Variants in SLC22A5 observed in about 807,000 individuals in gnomAD.
The protein encoded by SLC22A5 is solute carrier family 22 member 5, also known as organic cation/carnitine transporter 2.
Under a neutral mutation model 56.7 loss-of-function variants are expected in SLC22A5, and 44 were observed. The ratio of observed to expected loss-of-function variants is 0.78; its 90% CI spans 0.61 to 1.00. The LOEUF is 1.00. SLC22A5 is among the 50% of genes least tolerant of loss of function. The probability of loss-of-function intolerance (pLI) is 0.00; values close to 1 mark genes in which losing one functional copy is unlikely to be tolerated. For missense variants in SLC22A5, 675 were observed against 723.0 expected (o/e 0.93, Z 0.76); for synonymous variants, 278 against 292.1 (o/e 0.95, Z 0.49).
At chr5:132,385,547 G>C (rs749164050) in intron 4 of SLC22A5, 48 bp downstream of exon 4, 1 of 1,554,410 alleles carries the variant, frequency 6.4e-7, no homozygotes, top group Admixed American at 1.7e-5. Flanking sequence ...GATGATTTCT[G>C]TCTGGCCTTC....
intron 1 of SLC22A5, among the ~76,000 whole-genome samples, chr5:132,374,750 C>T (rs1244645284): frequency 7.4e-6 from 1 of 134,512 alleles, no homozygotes; most frequent in East Asian, 2.2e-4. Context: ...AGCAGGGGGT[C>T]AGGGAGCCAA....
At chr5:132,370,938 TG>T (rs1287045814) in intron 1 of SLC22A5, among the ~76,000 whole-genome samples, 1 of 148,608 alleles carries the variant, frequency 6.7e-6, no homozygotes, top group Non-Finnish European at 1.5e-5. Context: ...CCTTTTCCCA[TG>T]GTCAGTTGTC....
rs937032503 is a variant in SLC22A5, at chr5:132,387,368, C to G, written c.951+217C>G. Among the ~76,000 whole-genome samples the G allele has an allele frequency of 2.9e-5, 4 of 138,294 alleles. No individual in the cohort carries two copies. In the South Asian group the frequency reaches 9.2e-4, roughly 32 times the overall value. 90.7% of individuals were successfully genotyped at this position (138,294 alleles called of 152,430 possible). ...TAGGTTACAGCTGCCTCACTCTTTT[C>G]ACCACGGGTTTCAGATTTTCATTTT... On this transcript the variant is annotated intron_variant, in intron 5 of 9. Transcript: ENST00000245407.
At position 132,370,131 on chromosome 5, in the gene SLC22A5, G is replaced by A; in HGVS notation, c.159G>A (p.Pro53=). 6.2e-7 allele frequency: 1 copy of A among 1,610,250 alleles called. No homozygotes were observed. Among genetic ancestry groups the A allele is most frequent in the Non-Finnish European group, 8.5e-7 (1 of 1,178,706 alleles). The change falls in exon 1 of 10, where the codon CCG becomes CCA. Residue 53 remains proline, a synonymous_variant. Transcript: ENST00000245407. Reference sequence around the variant, plus strand: ...CCCCGGAGCACCGCTGCCGGGTGCCGGACGCCGCGAACCTGAGCAGCGCCT... The same window carrying A: ...CCCCGGAGCACCGCTGCCGGGTGCCAGACGCCGCGAACCTGAGCAGCGCCT... ...IATPEHRCRV[P]DAANLSSAWR...
rs750162911 is a variant in SLC22A5, at chr5:132,390,736, A to G, written c.1099A>G (p.Asn367Asp). Residue 367 changes from asparagine (N) to aspartate (D), a missense_variant, in exon 7 of 10, where the codon AAC (asparagine) becomes GAC (aspartate). Coordinates refer to ENST00000245407, the MANE Select transcript of SLC22A5 (RefSeq NM_003060.4). The part of the protein sequence containing the change: ...GYFGLSLDTP[N>D]LHGDIFVNCF... The stretch of plus-strand genomic sequence containing the variant: ...TTTTGGGCTTTCGCTTGATACTCCT[A>G]ACTTGCATGGGGACATCTTTGTGAA... 6.2e-7 allele frequency: 1 copy of G among 1,614,208 alleles called. No individual in the cohort carries two copies. The highest frequency in any genetic ancestry group is 8.5e-7 in the Non-Finnish European group (1 of 1,180,032).
At position 132,384,305 on chromosome 5, in the gene SLC22A5, T is replaced by C; in HGVS notation, c.652+4T>C. 6.2e-7 allele frequency: 1 copy of C among 1,614,102 alleles called. No individual in the cohort carries two copies. The highest frequency in any genetic ancestry group is 8.5e-7 in the Non-Finnish European group (1 of 1,179,918). On this transcript the variant is annotated splice_donor_region_variant and intron_variant, in intron 3 of 9. Coordinates refer to ENST00000245407, the MANE Select transcript of SLC22A5 (RefSeq NM_003060.4). ...TATGTGGCAGCATTTGTCCTGGGTA[T>C]GGCCATCAGGTTGGAGTTGAGTACT...
At chr5:132,375,165 C>T (rs1752092662) in intron 1 of SLC22A5, among the ~76,000 whole-genome samples, 1 of 152,156 alleles carries the variant, frequency 6.6e-6, no homozygotes, top group African/African-American at 2.4e-5. Context: ...AGGTTGATAC[C>T]TTTTTATTTA....
chr5:132,376,517 A>C (rs1170250752), intron 1 of SLC22A5: 1 of 152,212 alleles, frequency 6.6e-6, no homozygotes, highest in African/African-American at 2.4e-5. Context: ...TTGCCAGCCA[A>C]GGAGTCTTTA....
Position 132,394,688 on chromosome 5 carries a change from G to T in SLC22A5, c.*416G>T, listed in dbSNP as rs2126793684. The T allele has an allele frequency of 5.1e-6, 1 of 197,052 alleles. No homozygotes were observed. The allele number at this position is 197,052 out of a possible 1,614,324, so 12.2% of individuals were successfully genotyped here. ...CCCCTTTCCCCACTCCCCTCTAGTG[G>T]TGAACTTTAGAGGAAAAGGAAGTAA... On this transcript the variant is annotated 3_prime_UTR_variant, in exon 10 of 10. Transcript: ENST00000245407.
chr5:132,369,943 G>C lies in SLC22A5; in HGVS notation c.-30G>C, dbSNP rs758034537. ...AAGCCCGCCGCGTTCCCCGACCCCA[G>C]GCCGCGCTCTGTGGGCCTCTGAGGG... On this transcript the variant is annotated 5_prime_UTR_variant, in exon 1 of 10. Coordinates refer to ENST00000245407, the MANE Select transcript of SLC22A5 (RefSeq NM_003060.4). 3.7e-5 allele frequency: 60 copies of C among 1,610,464 alleles called. No individual in the cohort carries two copies. The East Asian group carries it at 1.2e-3, about 32-fold the overall frequency.
At chr5:132,392,171 G>A (rs1322347602) in intron 7 of SLC22A5, among the ~76,000 whole-genome samples, 1 of 152,208 alleles carries the variant, frequency 6.6e-6, no homozygotes, top group Admixed American at 6.5e-5. Context: ...AGACTGGGAA[G>A]CAGGTTGATT....
intron 4 of SLC22A5, among the ~76,000 whole-genome samples, chr5:132,386,578 CAG>C (rs1752538876): frequency 1.3e-5 from 2 of 152,148 alleles, no homozygotes. Flanking sequence ...TTGGATAAAT[CAG>C]GGGTAGGGTG....
Position 132,392,457 on chromosome 5 carries a change from T to C in SLC22A5, c.1292T>C (p.Leu431Pro). The stretch of plus-strand genomic sequence containing the variant: ...GACTTGTATTATTTGGCTACAGTCC[T>C]GGTGATGGTGGGCAAGTTTGGAGTC... ...PPDLYYLATV[L>P]VMVGKFGVTA... Residue 431 changes from leucine to proline, a missense_variant, in exon 8 of 10, where the codon CTG (leucine) becomes CCG (proline). Leu to Pro is a moderately conservative substitution (Grantham distance 98). Transcript: ENST00000245407. 1 of 1,614,250 alleles carries C rather than the reference T, an allele frequency of 6.2e-7. No individual in the cohort carries two copies. Among genetic ancestry groups the C allele is most frequent in the African/African-American group, 1.3e-5 (1 of 75,064 alleles).
intron 4 of SLC22A5, 59 bp downstream of exon 4, chr5:132,385,558 A>G: frequency 7.0e-7 from 1 of 1,422,456 alleles, no homozygotes; most frequent in Non-Finnish European, 9.9e-7. Context: ...TCTGGCCTTC[A>G]CTAGAGGGCA....
intron 7 of SLC22A5, among the ~76,000 whole-genome samples, chr5:132,391,760 C>T (rs1561576019): frequency 6.6e-6 from 1 of 152,190 alleles, no homozygotes; most frequent in Non-Finnish European, 1.5e-5. Context: ...TCATCTCTCC[C>T]TCTCCATCAC....
At chr5:132,375,625 T>C (rs559529640) in intron 1 of SLC22A5, among the ~76,000 whole-genome samples, 1 of 152,354 alleles carries the variant, frequency 6.6e-6, no homozygotes, top group Non-Finnish European at 1.5e-5. Flanking sequence ...TTTAAAAATG[T>C]TTAATAGCTT....
chr5:132,390,676 G>A lies in SLC22A5; in HGVS notation c.1053-14G>A, dbSNP rs779432700. The stretch of plus-strand genomic sequence containing the variant: ...GATACTGCTTTTCCAGCTTTCTTCT[G>A]CACTCTGTTTCAGGATGACCATATC... On this transcript the variant is annotated splice_polypyrimidine_tract_variant and intron_variant, in intron 6 of 9. Transcript: ENST00000245407. 31 of 1,589,308 alleles carry A rather than the reference G, an allele frequency of 2.0e-5. 1 individual carries two copies. In the South Asian group the frequency reaches 3.3e-4, roughly 17 times the overall value.
intron 1 of SLC22A5, chr5:132,378,102 C>T: frequency 6.5e-7 from 1 of 1,548,966 alleles, no homozygotes; most frequent in Non-Finnish European, 8.7e-7. Context: ...CTTGCTTTCT[C>T]CAGGGTCAGC....
intron 6 of SLC22A5, chr5:132,390,161 G>C (rs1752652724): frequency 5.0e-6 from 1 of 200,030 alleles, no homozygotes; most frequent in Non-Finnish European, 1.0e-5. Flanking sequence ...GTACCGCGGG[G>C]CTGGTGTCAG....
Sources: gnomAD v4.1 joint callset for allele counts (sites outside exome capture counted in the v4.1 genomes callset) on GRCh38, gnomAD v4.1.1 for gene constraint, MANE v1.5 for transcripts, NCBI Gene and HGNC (gene_info 2026-07-23, HGNC 2026-07-21) for gene names.